SLC2A14: variants seen among roughly 807,000 people sequenced by gnomAD.
SLC2A14 encodes the protein solute carrier family 2, facilitated glucose transporter member 14.
Under a neutral mutation model 43.0 loss-of-function variants are expected in SLC2A14, and 13 were observed. The observed-to-expected ratio is 0.30, with a 90% CI of 0.20 to 0.48. The LOEUF is 0.48. Ranked by LOEUF, SLC2A14 falls within the 20% of genes least tolerant of loss-of-function variation. SLC2A14 has a pLI of 0.99. For synonymous variants in SLC2A14, 190 were observed against 233.8 expected (o/e 0.81, Z 1.71); for missense variants, 428 against 620.4 (o/e 0.69, Z 3.29).
In SLC2A14 at chr12:7,818,669, AAAAAAC is replaced by A. The variant is rs1038146598; in HGVS notation, c.1072-641_1072-636del. On this transcript the variant is annotated intron_variant, in intron 9 of 10. Coordinates refer to ENST00000431042, the MANE Select transcript of SLC2A14 (RefSeq NM_001286234.2). The stretch of plus-strand genomic sequence containing the variant: ...ACAGCAAGACCCTGTCTCAAAAAAC[AAAAAAC>A]AAAAACAAAAAAATACTTTTTTTTT... 3.4e-4 allele frequency among the ~76,000 whole-genome samples: 51 copies of A among 148,512 alleles called. 2 individuals carry two copies. In the South Asian group the frequency reaches 0.01, roughly 30 times the overall value.
At chr12:7,863,451 T>TC (rs1388196642) in intron 2 of SLC2A14, 4 of 452,662 alleles carry the variant, frequency 8.8e-6, no homozygotes, top group Non-Finnish European at 1.8e-5. Flanking sequence ...ATTGTGAAAC[T>TC]CCATCTCTAT....
upstream of SLC2A14, among the ~76,000 whole-genome samples, chr12:7,874,857 TATATATAAATAC>T (rs1308497539): frequency 4.6e-5 from 5 of 109,800 alleles, no homozygotes; most frequent in African/African-American, 1.8e-4. Context: ...ATATATAAAT[TATATATAAATAC>T]ATATATAAAT....
At chr12:7,848,803 G>C (rs1005365163) in intron 2 of SLC2A14, among the ~76,000 whole-genome samples, 2 of 151,062 alleles carry the variant, frequency 1.3e-5, no homozygotes, top group African/African-American at 2.4e-5. Context: ...TGATCCACCC[G>C]CTTCGACCTC....
chr12:7,838,917 G>A lies in SLC2A14; in HGVS notation c.19-6103C>T, dbSNP rs150130738. Among the ~76,000 whole-genome samples the A allele has an allele frequency of 0.017, 2,543 of 152,022 alleles. 139 individuals carry two copies. The East Asian group carries it at 0.18, about 11-fold the overall frequency. ...AGTCCAATAGGACAGGTGTCCTTAT[G>A]AGAAGAGGAAGAGGCATTAGGCCTG... On this transcript the variant is annotated intron_variant, in intron 2 of 10. Transcript: ENST00000431042.
Position 7,832,824 on chromosome 12 carries a change from CAG to C in SLC2A14, c.19-12_19-11del. ...TCAGAGCTGGGGTGACCTGGAGAGA[CAG>C]AGGACAGGGAGGAGAGAATAGTCCT... On this transcript the variant is annotated splice_polypyrimidine_tract_variant and intron_variant, in intron 2 of 10. Transcript: ENST00000431042. The C allele has an allele frequency of 1.9e-6, 3 of 1,613,422 alleles. No individual in the cohort carries two copies. The highest frequency in any genetic ancestry group is 2.5e-6 in the Non-Finnish European group (3 of 1,179,464).
chr12:7,853,886 G>A (rs1357591133), intron 2 of SLC2A14, among the ~76,000 whole-genome samples: 1 of 152,156 alleles, frequency 6.6e-6, no homozygotes, highest in Non-Finnish European at 1.5e-5. Context: ...TTAGAAAAGT[G>A]TGTACTTTTC....
intron 1 of SLC2A14, among the ~76,000 whole-genome samples, chr12:7,880,518 T>C (rs1374499999): frequency 6.6e-6 from 1 of 151,442 alleles, no homozygotes; most frequent in Non-Finnish European, 1.5e-5. Flanking sequence ...TCAATATTGA[T>C]AACAGAATTC....
At position 7,827,363 on chromosome 12, in the gene SLC2A14, C is replaced by T. The variant is rs186463897; in HGVS notation, c.864+132G>A. On this transcript the variant is annotated intron_variant, in intron 7 of 10. Coordinates refer to ENST00000431042, the MANE Select transcript of SLC2A14 (RefSeq NM_001286234.2). ...CAATCTCAGCTCACTGCAACCTTCG[C>T]CTCCCGGGTTCAAGCGATTCTCCTG... 2.3e-4 allele frequency: 316 copies of T among 1,367,552 alleles called. No individual in the cohort carries two copies. The African/African-American group carries it at 3.0e-3, about 13-fold the overall frequency. 84.7% of individuals were successfully genotyped at this position (1,367,552 alleles called of 1,614,324 possible). A position where few individuals can be genotyped will look rare whatever the true frequency, so the allele number is the denominator to read the frequency against.
intron 2 of SLC2A14, among the ~76,000 whole-genome samples, chr12:7,833,522 T>G (rs1349279191): frequency 6.6e-6 from 1 of 152,152 alleles, no homozygotes; most frequent in African/African-American, 2.4e-5. Context: ...ATCCCAGCAC[T>G]TTGGGAGGCC....
intron 3 of SLC2A14, 44 bp from the exon 4 acceptor site, chr12:7,831,808 A>G (rs1260890821): frequency 1.2e-6 from 2 of 1,606,514 alleles, no homozygotes; most frequent in South Asian, 2.2e-5. Flanking sequence ...CAGTTGGATG[A>G]GAACAAAAGA....
chr12:7,862,493 A>C (rs897362464), intron 2 of SLC2A14, among the ~76,000 whole-genome samples: 3 of 151,908 alleles, frequency 2.0e-5, no homozygotes, highest in African/African-American at 4.8e-5. Context: ...TCCTGTGCGG[A>C]CGAGCCTCCC....
rs575345791 is a variant in SLC2A14, at chr12:7,843,651, G to GA, written c.19-10838dup. Reference sequence around the variant, plus strand: ...AAGAAAAGAAACAGCAACACGAAACGAAAAAAAAAGCCACCAGATTTGTTG... The same window carrying GA: ...AAGAAAAGAAACAGCAACACGAAACGAAAAAAAAAAGCCACCAGATTTGTTG... On this transcript the variant is annotated intron_variant, in intron 2 of 10. Coordinates refer to ENST00000431042, the MANE Select transcript of SLC2A14 (RefSeq NM_001286234.2). Among the ~76,000 whole-genome samples the GA allele has an allele frequency of 7.6e-3, 1,021 of 133,466 alleles. 1 individual carries two copies. Among genetic ancestry groups the GA allele is most frequent in the East Asian group, 0.045 (204 of 4,494 alleles). The allele number at this position is 133,466 out of a possible 152,430, so 87.6% of individuals were successfully genotyped here.
At chr12:7,883,573 CTT>C (rs1304494724) in intron 1 of SLC2A14, among the ~76,000 whole-genome samples, 20 of 112,240 alleles carry the variant, frequency 1.8e-4, no homozygotes, top group Non-Finnish European at 1.5e-4. Context: ...GCCTCTTTTT[CTT>C]TTTCTTTTTC....
At chr12:7,853,429 CAAAAAAAAAAAAAA>C (rs35414391) in intron 2 of SLC2A14, among the ~76,000 whole-genome samples, 3 of 84,600 alleles carry the variant, frequency 3.5e-5, no homozygotes, top group African/African-American at 5.0e-5. Context: ...GACTCCATTT[CAAAAAAAAAAAAAA>C]AAAAAAAAAT....
At position 7,814,483 on chromosome 12, in the gene SLC2A14, A is replaced by C. The variant is rs1327906123; in HGVS notation, c.1327T>G (p.Phe443Val). 2 of 1,613,744 alleles carry C rather than the reference A, an allele frequency of 1.2e-6. No homozygotes were observed. Among genetic ancestry groups the C allele is most frequent in the African/African-American group, 1.3e-5 (1 of 74,868 alleles). Residue 443 changes from phenylalanine to valine, a missense_variant, in exon 11 of 11, where the codon TTC (phenylalanine) becomes GTC (valine). Phe to Val is a conservative substitution (Grantham distance 50, BLOSUM62 -1). Around this residue, in one of 4 missense-constraint regions of SLC2A14, gnomAD observed 119 missense variants for 188.7 expected, o/e 0.63. Transcript: ENST00000431042. Reference sequence around the variant, plus strand: ...ACTTTGAAGAAGGTAAAGGCCAAGAAGGTAATGAGGAAGCCGGTGAAGATA... The same window carrying C: ...ACTTTGAAGAAGGTAAAGGCCAAGACGGTAATGAGGAAGCCGGTGAAGATA... ...FIIFTGFLIT[F>V]LAFTFFKVPE...
upstream of SLC2A14, among the ~76,000 whole-genome samples, chr12:7,874,988 TAAATTATATATAAATACATATATAA>T (rs1565585389): frequency 1.2e-3 from 35 of 29,220 alleles, no homozygotes; most frequent in Admixed American, 2.2e-3. Flanking sequence ...TATTTATATA[TAAATTATATATAAATACATATATAA>T]AAATTATATA....
intron 1 of SLC2A14, among the ~76,000 whole-genome samples, chr12:7,880,731 G>A (rs191884853): frequency 6.6e-6 from 1 of 150,986 alleles, no homozygotes; most frequent in Non-Finnish European, 1.5e-5. Flanking sequence ...AATTGGCCGG[G>A]CGCAGTGGCT....
intron 2 of SLC2A14, among the ~76,000 whole-genome samples, chr12:7,842,760 C>G (rs954377226): frequency 1.6e-4 from 24 of 148,930 alleles, no homozygotes; most frequent in African/African-American, 6.0e-4. Flanking sequence ...TGGAGTTTCG[C>G]TCTTGTTGCC....
chr12:7,840,602 T>G (rs1243795280), intron 2 of SLC2A14, among the ~76,000 whole-genome samples: 2 of 152,090 alleles, frequency 1.3e-5, no homozygotes, highest in Non-Finnish European at 2.9e-5. Flanking sequence ...GTCAGGCTGG[T>G]CTCAAACTCC....
Sources: gnomAD v4.1 joint callset for allele counts (sites outside exome capture counted in the v4.1 genomes callset) on GRCh38, gnomAD v4.1.1 for gene constraint, gnomAD v4.1.1 regional missense constraint, MANE v1.5 for transcripts, NCBI Gene and HGNC (gene_info 2026-07-23, HGNC 2026-07-21) for gene names.